Variants in GRIA1 observed in about 807,000 individuals in gnomAD.
GRIA1 encodes the protein glutamate receptor 1.
GRIA1 carries 31 observed loss-of-function variants against 99.2 expected under a neutral mutation model. That is an observed-to-expected ratio of 0.31 (90% CI 0.23 to 0.42). GRIA1 has a LOEUF of 0.42. Ranked by LOEUF, GRIA1 falls within the 10% of genes least tolerant of loss-of-function variation. The probability of loss-of-function intolerance (pLI) is 1.00; values close to 1 mark genes in which losing one functional copy is unlikely to be tolerated. For synonymous variants in GRIA1, 438 were observed against 432.4 expected, an observed-to-expected ratio of 1.01 and a Z score of -0.16; for missense variants, 782 against 1,157.5, an observed-to-expected ratio of 0.68 and a Z score of 4.71.
intron 10 of GRIA1, among the ~76,000 whole-genome samples, chr5:153,704,907 G>A (rs906173084): frequency 6.6e-6 from 1 of 152,148 alleles, no homozygotes; most frequent in African/African-American, 2.4e-5. Flanking sequence ...TTTCCTGAGG[G>A]TGGGGACCAT....
intron 15 of GRIA1, among the ~76,000 whole-genome samples, chr5:153,803,351 T>C (rs1766184814): frequency 6.6e-6 from 1 of 152,194 alleles, no homozygotes; most frequent in African/African-American, 2.4e-5. Context: ...CCCCTCAACA[T>C]TTAGCTTCAG....
At chr5:153,612,671 T>G (rs1421402249) in intron 2 of GRIA1, among the ~76,000 whole-genome samples, 1 of 152,190 alleles carries the variant, frequency 6.6e-6, no homozygotes, top group African/African-American at 2.4e-5. Context: ...TAGTGGATAT[T>G]TCCTTATCAG....
intron 2 of GRIA1, among the ~76,000 whole-genome samples, chr5:153,559,588 G>A (rs941263881): frequency 1.3e-5 from 2 of 152,136 alleles, no homozygotes; most frequent in African/African-American, 4.8e-5. Flanking sequence ...CACTGTACAT[G>A]ACTGTATGTG....
intron 11 of GRIA1, chr5:153,706,273 C>G (rs41290597): frequency 0.086 from 50,830 of 590,188 alleles, 2,514 homozygotes; most frequent in African/African-American, 0.13. Flanking sequence ...TCTGTCTGCT[C>G]TCTGGGTTGA....
At chr5:153,529,329 C>T (rs1757888210) in intron 2 of GRIA1, among the ~76,000 whole-genome samples, 1 of 152,166 alleles carries the variant, frequency 6.6e-6, no homozygotes, top group Admixed American at 6.5e-5. Flanking sequence ...TACCAGAGGA[C>T]CTCAGACTCC....
chr5:153,497,522 C>G (rs897521907), intron 2 of GRIA1, among the ~76,000 whole-genome samples: 4 of 152,142 alleles, frequency 2.6e-5, no homozygotes, highest in African/African-American at 9.7e-5. Flanking sequence ...GAAGGCACAG[C>G]CTCTTTCCTT....
chr5:153,578,162 A>AAAG (rs1762730311), intron 2 of GRIA1, among the ~76,000 whole-genome samples: 1 of 147,498 alleles, frequency 6.8e-6, no homozygotes, highest in Non-Finnish European at 1.5e-5. Context: ...AAAAAAAAAA[A>AAAG]AAAAAAAAAA....
At chr5:153,536,536 G>T (rs998710571) in intron 2 of GRIA1, among the ~76,000 whole-genome samples, 3 of 151,976 alleles carry the variant, frequency 2.0e-5, no homozygotes, top group Non-Finnish European at 2.9e-5. Context: ...ACCTCCTCCA[G>T]CCCAGCATCT....
chr5:153,700,211 C>G, intron 10 of GRIA1, among the ~76,000 whole-genome samples: 1 of 151,978 alleles, frequency 6.6e-6, no homozygotes, highest in Admixed American at 6.5e-5. Context: ...ATGGTGAAAC[C>G]CCATCTCTAC....
At chr5:153,791,063 T>A (rs1318387544) in intron 13 of GRIA1, among the ~76,000 whole-genome samples, 1 of 152,056 alleles carries the variant, frequency 6.6e-6, no homozygotes, top group Non-Finnish European at 1.5e-5. Context: ...AGGGCAAATA[T>A]CATAGGGCAG....
chr5:153,680,585 A>T (rs564159287), intron 7 of GRIA1, among the ~76,000 whole-genome samples: 1 of 152,262 alleles, frequency 6.6e-6, no homozygotes, highest in African/African-American at 2.4e-5. Context: ...CAGGGCCTCA[A>T]ATTTAGAATA....
At chr5:153,736,893 G>A (rs1256551553) in intron 11 of GRIA1, among the ~76,000 whole-genome samples, 1 of 152,058 alleles carries the variant, frequency 6.6e-6, no homozygotes, top group African/African-American at 2.4e-5. Flanking sequence ...TTGGAACACG[G>A]TACACACACA....
chr5:153,722,312 A>G (rs1033331273), intron 11 of GRIA1, among the ~76,000 whole-genome samples: 5 of 152,014 alleles, frequency 3.3e-5, no homozygotes, highest in East Asian at 1.9e-4. Context: ...ACAGAAATAC[A>G]TAACTTTAAT....
At chr5:153,687,730 T>C (rs1363403244) in intron 8 of GRIA1, among the ~76,000 whole-genome samples, 1 of 152,202 alleles carries the variant, frequency 6.6e-6, no homozygotes, top group East Asian at 1.9e-4. Flanking sequence ...CTTTGTCCAC[T>C]CTCCGTCCTC....
Position 153,705,978 on chromosome 5 carries a change from C to T in GRIA1, c.1734C>T (p.Thr578=). The change falls in exon 11 of 16, where the codon ACC becomes ACT. Residue 578 remains threonine (T), a synonymous_variant. Transcript: ENST00000285900. ...TTGAGGAAGGACGGGACCAGACAAC[C>T]AGTGACCAGTCCAATGAGTTTGGGA... ...EEFEEGRDQT[T]SDQSNEFGIF... The T allele has an allele frequency of 6.2e-7, 1 of 1,613,908 alleles. No individual in the cohort carries two copies. The highest frequency in any genetic ancestry group is 8.5e-7 in the Non-Finnish European group (1 of 1,179,886).
intron 2 of GRIA1, among the ~76,000 whole-genome samples, chr5:153,547,609 A>C (rs1346062522): frequency 6.6e-6 from 1 of 152,222 alleles, no homozygotes; most frequent in Non-Finnish European, 1.5e-5. Flanking sequence ...GAAAGGGAGA[A>C]GCCAAAATAT....
At chr5:153,688,730 T>C (rs1299494686) in intron 8 of GRIA1, among the ~76,000 whole-genome samples, 1 of 151,926 alleles carries the variant, frequency 6.6e-6, no homozygotes, top group Non-Finnish European at 1.5e-5. Context: ...TCTTTTTTTG[T>C]TTTTTTGGAG....
At chr5:153,729,523 A>T (rs563733437) in intron 11 of GRIA1, among the ~76,000 whole-genome samples, 1 of 152,026 alleles carries the variant, frequency 6.6e-6, no homozygotes, top group South Asian at 2.1e-4. Flanking sequence ...GATTGGAGGT[A>T]TTGGCTAAAT....
chr5:153,769,488 A>G (rs1252083762), intron 12 of GRIA1, among the ~76,000 whole-genome samples: 1 of 152,098 alleles, frequency 6.6e-6, no homozygotes, highest in Non-Finnish European at 1.5e-5. Flanking sequence ...AAAACAGTGC[A>G]AGCAAAGTCC....
Sources: gnomAD v4.1 joint callset for allele counts (sites outside exome capture counted in the v4.1 genomes callset) on GRCh38, gnomAD v4.1.1 for gene constraint, MANE v1.5 for transcripts, NCBI Gene and HGNC (gene_info 2026-07-23, HGNC 2026-07-21) for gene names.